The following CERS6 variants were observed in gnomAD, a reference collection of about 807,000 sequenced individuals.
CERS6 encodes the protein ceramide synthase 6.
In CERS6, 26 loss-of-function variants were observed where a neutral mutation model predicts 56.8. The observed-to-expected ratio is 0.46, with a 90% CI of 0.34 to 0.63. The LOEUF (loss-of-function observed/expected upper bound fraction) is 0.63, where lower values mean the gene tolerates loss of function less well. Among genes scored for constraint, CERS6 ranks in the 30% least tolerant of loss-of-function variants. CERS6 has a pLI of 0.01. For synonymous variants in CERS6, 164 were observed against 173.3 expected, an observed-to-expected ratio of 0.95 and a Z score of 0.42; for missense variants, 415 against 467.5, an observed-to-expected ratio of 0.89 and a Z score of 1.04.
intron 3 of CERS6, among the ~76,000 whole-genome samples, chr2:168,588,449 T>C (rs977584843): frequency 2.6e-5 from 4 of 152,096 alleles, no homozygotes; most frequent in African/African-American, 9.7e-5. Context: ...TAACCCCCAC[T>C]CTACTTTGTT....
intron 4 of CERS6, among the ~76,000 whole-genome samples, chr2:168,665,060 C>G (rs2161978): frequency 0.76 from 115,387 of 152,052 alleles, 44,350 homozygotes; most frequent in African/African-American, 0.85. Context: ...GAGTTTTTCT[C>G]TTCTTTGCAG....
In CERS6 at chr2:168,670,966, TCCCC is replaced by T. The variant is rs35335379; in HGVS notation, c.466-20057_466-20054del. On this transcript the variant is annotated intron_variant, in intron 4 of 9. Coordinates refer to ENST00000305747, the MANE Select transcript of CERS6 (RefSeq NM_203463.3). ...ACAGAGCAGGTGCTGGATACATGCT[TCCCC>T]CCCCCCCCCCAGACGGAAGCTTGCT... Among the ~76,000 whole-genome samples, 5 of 30,570 alleles carry T rather than the reference TCCCC, an allele frequency of 1.6e-4. 1 individual carries two copies. The highest frequency in any genetic ancestry group is 1.1e-3 in the East Asian group (1 of 898). The allele number at this position is 30,570 out of a possible 152,430, so 20.1% of individuals were successfully genotyped here. A position where few individuals can be genotyped will look rare whatever the true frequency, so the allele number is the denominator to read the frequency against.
chr2:168,602,534 G>A (rs1390520007), intron 3 of CERS6, among the ~76,000 whole-genome samples: 2 of 152,174 alleles, frequency 1.3e-5, no homozygotes, highest in Admixed American at 1.3e-4. Flanking sequence ...TTTTGGAGCA[G>A]CCAGAATTAT....
At chr2:168,713,694 T>C (rs1311720312) in intron 6 of CERS6, among the ~76,000 whole-genome samples, 1 of 152,158 alleles carries the variant, frequency 6.6e-6, no homozygotes, top group African/African-American at 2.4e-5. Context: ...ATGATTAAAA[T>C]TCAGGGCTTC....
At chr2:168,574,370 TTGTGTGTGTG>T (rs59913751) in intron 3 of CERS6, among the ~76,000 whole-genome samples, 7 of 148,696 alleles carry the variant, frequency 4.7e-5, no homozygotes, top group African/African-American at 1.0e-4. Context: ...TCAATAAGTT[TTGTGTGTGTG>T]TGTGTGTGTG....
chr2:168,736,792 T>G (rs1329623012), intron 8 of CERS6, among the ~76,000 whole-genome samples: 1 of 152,226 alleles, frequency 6.6e-6, no homozygotes, highest in Admixed American at 6.5e-5. Flanking sequence ...AGCTGATGCA[T>G]GTGTAAGGAC....
chr2:168,658,302 G>A (rs1685542847), intron 4 of CERS6, among the ~76,000 whole-genome samples: 1 of 152,160 alleles, frequency 6.6e-6, no homozygotes, highest in Admixed American at 6.5e-5. Flanking sequence ...AGATCCCAAG[G>A]AAGTAGATTT....
At chr2:168,508,746 G>A (rs1434926192) in intron 1 of CERS6, among the ~76,000 whole-genome samples, 3 of 152,106 alleles carry the variant, frequency 2.0e-5, no homozygotes, top group Non-Finnish European at 4.4e-5. Flanking sequence ...AGCATTAGGA[G>A]AAATACCTAA....
At chr2:168,615,274 G>A (rs900413905) in intron 3 of CERS6, among the ~76,000 whole-genome samples, 2 of 152,038 alleles carry the variant, frequency 1.3e-5, no homozygotes, top group Admixed American at 6.5e-5. Flanking sequence ...GAAGGAACCA[G>A]AAAAACAATT....
Position 168,567,925 on chromosome 2 carries a change from C to T in CERS6, c.407+6603C>T, listed in dbSNP as rs550535570. Reference sequence around the variant, plus strand: ...ACAGAAATTCTGAAGATTGATGAACCGGACTATGGACAGTCTGCTCTTTTG... The same window carrying T: ...ACAGAAATTCTGAAGATTGATGAACTGGACTATGGACAGTCTGCTCTTTTG... On this transcript the variant is annotated intron_variant, in intron 3 of 9. Transcript: ENST00000305747. Among the ~76,000 whole-genome samples the T allele has an allele frequency of 1.3e-4, 20 of 152,256 alleles. No individual in the cohort carries two copies. In the East Asian group the frequency reaches 2.3e-3, roughly 18 times the overall value.
At chr2:168,557,548 A>T (rs889411243) in intron 2 of CERS6, among the ~76,000 whole-genome samples, 21 of 152,214 alleles carry the variant, frequency 1.4e-4, no homozygotes, top group African/African-American at 4.8e-4. Context: ...TGGATTTTTG[A>T]TGGAAAAGAT....
chr2:168,586,030 C>T (rs1427314069), intron 3 of CERS6, among the ~76,000 whole-genome samples: 1 of 152,078 alleles, frequency 6.6e-6, no homozygotes, highest in East Asian at 1.9e-4. Flanking sequence ...GTCACCCCAG[C>T]TGGAGTACAG....
intron 3 of CERS6, among the ~76,000 whole-genome samples, chr2:168,608,775 G>A (rs1684114274): frequency 6.6e-6 from 1 of 152,110 alleles, no homozygotes; most frequent in South Asian, 2.1e-4. Flanking sequence ...TGGGTTTAAT[G>A]ACTTGCAAAC....
At chr2:168,510,441 T>C (rs760815835) in intron 1 of CERS6, among the ~76,000 whole-genome samples, 6 of 152,218 alleles carry the variant, frequency 3.9e-5, no homozygotes, top group Non-Finnish European at 8.8e-5. Context: ...TGTACGGTAA[T>C]GTGCTATGCA....
At chr2:168,458,566 G>A (rs1355039394) in intron 1 of CERS6, among the ~76,000 whole-genome samples, 1 of 152,104 alleles carries the variant, frequency 6.6e-6, no homozygotes, top group Non-Finnish European at 1.5e-5. Flanking sequence ...ATAGAGGGGT[G>A]AGCTGCTTTC....
intron 1 of CERS6, among the ~76,000 whole-genome samples, chr2:168,520,420 G>T (rs1694955727): frequency 6.6e-6 from 1 of 151,816 alleles, no homozygotes; most frequent in African/African-American, 2.4e-5. Flanking sequence ...CTGTGCAGAA[G>T]CTCTTTAGTT....
At chr2:168,706,803 C>CATAT (rs1321272215) in intron 6 of CERS6, among the ~76,000 whole-genome samples, 1 of 152,196 alleles carries the variant, frequency 6.6e-6, no homozygotes, top group Non-Finnish European at 1.5e-5. Context: ...GATGCTTTCC[C>CATAT]ATATGTCCTT....
At chr2:168,641,546 T>G (rs1480814260) in intron 4 of CERS6, among the ~76,000 whole-genome samples, 3 of 152,282 alleles carry the variant, frequency 2.0e-5, no homozygotes, top group African/African-American at 7.2e-5. Flanking sequence ...CACCTTTACC[T>G]AAAACCTACC....
At chr2:168,670,563 C>G (rs1305313224) in intron 4 of CERS6, among the ~76,000 whole-genome samples, 1 of 152,178 alleles carries the variant, frequency 6.6e-6, no homozygotes, top group African/African-American at 2.4e-5. Flanking sequence ...CTTCTTTCCT[C>G]TGTGTGGATG....
Sources: allele counts gnomAD v4.1 joint callset (sites outside exome capture counted in the v4.1 genomes callset), GRCh38; gene constraint gnomAD v4.1.1; transcripts MANE v1.5; gene names NCBI Gene and HGNC (gene_info 2026-07-23, HGNC 2026-07-21).